Variants in TTLL9 observed in about 807,000 individuals in gnomAD.
The protein encoded by TTLL9 is tubulin tyrosine ligase like 9.
TTLL9 carries 47 observed loss-of-function variants against 65.6 expected under a neutral mutation model. The observed-to-expected ratio is 0.72, with a 90% CI of 0.57 to 0.91. The LOEUF (loss-of-function observed/expected upper bound fraction) is 0.91. Among genes scored for constraint, TTLL9 ranks in the 40% least tolerant of loss-of-function variants. TTLL9 has a pLI of 0.00. For synonymous variants in TTLL9, 179 were observed against 204.8 expected, an observed-to-expected ratio of 0.87 and a Z score of 1.07; for missense variants, 537 against 568.8, an observed-to-expected ratio of 0.94 and a Z score of 0.57.
chr20:31,933,704 C>A, intron 10 of TTLL9, 96 bp from the exon 11 acceptor site: 1 of 1,172,880 alleles, frequency 8.5e-7, no homozygotes, highest in Non-Finnish European at 1.2e-6. Flanking sequence ...TATTTCGTAG[C>A]CTTCCCCATC....
At chr20:31,923,586 T>G (rs955145344) in intron 8 of TTLL9, among the ~76,000 whole-genome samples, 3 of 152,044 alleles carry the variant, frequency 2.0e-5, no homozygotes, top group Admixed American at 6.6e-5. Flanking sequence ...GGGAGAGAAA[T>G]GCAGGGAGGA....
At chr20:31,939,509 T>A (rs6579308) in intron 14 of TTLL9, 2 of 354,606 alleles carry the variant, frequency 5.6e-6, no homozygotes, top group African/African-American at 4.2e-5. Context: ...ATTTGAAAAC[T>A]AGAGAAAGAA....
intron 10 of TTLL9, among the ~76,000 whole-genome samples, chr20:31,929,167 AT>A (rs1568828022): frequency 1.4e-4 from 21 of 152,242 alleles, no homozygotes. Context: ...AGGTGCTGGG[AT>A]TACAGGCGTG....
Position 31,912,605 on chromosome 20 carries a change from G to A in TTLL9, c.504+2683G>A, listed in dbSNP as rs926540945. Among the ~76,000 whole-genome samples, 27 of 22,822 alleles carry A rather than the reference G, an allele frequency of 1.2e-3. No individual in the cohort carries two copies. In the African/African-American group the frequency reaches 0.021, roughly 18 times the overall value. The allele number at this position is 22,822 out of a possible 152,430, so 15.0% of individuals were successfully genotyped here. On this transcript the variant is annotated intron_variant, in intron 6 of 14. Transcript: ENST00000535842. ...TGTGTGTGTGTGCGTGTATGTGTAT[G>A]TGTGTGTGTGTGTGTGTGTGTGTGT...
At chr20:31,915,525 C>T (rs1163089713) in intron 6 of TTLL9, among the ~76,000 whole-genome samples, 1 of 152,146 alleles carries the variant, frequency 6.6e-6, no homozygotes, top group Non-Finnish European at 1.5e-5. Flanking sequence ...CCCAAACCAT[C>T]AAGTAATAGA....
At chr20:31,910,808 G>C (rs1420160018) in intron 6 of TTLL9, among the ~76,000 whole-genome samples, 1 of 152,164 alleles carries the variant, frequency 6.6e-6, no homozygotes. Context: ...TAGAGATAGG[G>C]AAGAGCATCC....
At chr20:31,918,170 A>G (rs1285388364) in intron 6 of TTLL9, among the ~76,000 whole-genome samples, 2 of 151,934 alleles carry the variant, frequency 1.3e-5, no homozygotes, top group Non-Finnish European at 2.9e-5. Flanking sequence ...GAGCTGTCTT[A>G]TCTGTGTTTT....
At chr20:31,910,870 T>C (rs891522857) in intron 6 of TTLL9, among the ~76,000 whole-genome samples, 1 of 152,044 alleles carries the variant, frequency 6.6e-6, no homozygotes, top group Non-Finnish European at 1.5e-5. Context: ...GGCAGCCTAT[T>C]GGGGCTCAAA....
intron 2 of TTLL9, among the ~76,000 whole-genome samples, chr20:31,873,738 A>G (rs992416711): frequency 1.1e-4 from 15 of 133,656 alleles, no homozygotes; most frequent in African/African-American, 3.4e-4. Flanking sequence ...AAGAAAGAAA[A>G]AGGAAGGAAG....
At chr20:31,913,383 G>T (rs2063685705) in intron 6 of TTLL9, among the ~76,000 whole-genome samples, 1 of 152,160 alleles carries the variant, frequency 6.6e-6, no homozygotes, top group South Asian at 2.1e-4. Flanking sequence ...CCTTTCAGGA[G>T]GAGAGAGTGT....
chr20:31,908,464 A>C, intron 4 of TTLL9, 127 bp from the exon 5 acceptor site: 1 of 651,306 alleles, frequency 1.5e-6, no homozygotes. Context: ...GGCCACCTCC[A>C]AGAGACTCTA....
At chr20:31,879,944 G>T (rs992100298) in intron 2 of TTLL9, 71 of 1,388,660 alleles carry the variant, frequency 5.1e-5, no homozygotes, top group Non-Finnish European at 6.4e-5. Context: ...CTAGAAAAAG[G>T]GAGGAAAGCA....
chr20:31,891,809 T>G (rs547446118), intron 3 of TTLL9, among the ~76,000 whole-genome samples: 6 of 152,386 alleles, frequency 3.9e-5, no homozygotes, highest in Admixed American at 3.9e-4. Flanking sequence ...AATTTTATTT[T>G]ATTTTATTTT....
rs537958002 is a variant in TTLL9 at position 31,914,294 on chromosome 20, A to G, written c.504+4372A>G. 7.2e-5 allele frequency among the ~76,000 whole-genome samples: 11 copies of G among 152,338 alleles called. No individual in the cohort carries two copies. In the South Asian group the frequency reaches 2.3e-3, roughly 32 times the overall value. On this transcript the variant is annotated intron_variant, in intron 6 of 14. Transcript: ENST00000535842. ...AGGGCAAGACTTCTGTACTGTTTTTATGCCATGGGCCTCTTTGACATCTGG... is the reference window on the plus strand; with the variant it reads ...AGGGCAAGACTTCTGTACTGTTTTTGTGCCATGGGCCTCTTTGACATCTGG...
rs887129589 is a variant in TTLL9 at position 31,889,821 on chromosome 20, C to T, written c.113+2582C>T. On this transcript the variant is annotated intron_variant, in intron 3 of 14. Transcript: ENST00000535842. ...CTGGCCTCAAGTGATCATCCCACCT[C>T]GGCCTCCCAAAGTGTTGGGATTACA... 3.4e-4 allele frequency among the ~76,000 whole-genome samples: 52 copies of T among 151,754 alleles called. 1 individual carries two copies. Among genetic ancestry groups the T allele is most frequent in the African/African-American group, 1.0e-3 (42 of 41,344 alleles).
intron 2 of TTLL9, among the ~76,000 whole-genome samples, chr20:31,882,347 G>A (rs2063130366): frequency 6.6e-6 from 1 of 152,180 alleles, no homozygotes; most frequent in Admixed American, 6.5e-5. Flanking sequence ...GATAATCAAA[G>A]TCTTGGGTAA....
Position 31,942,897 on chromosome 20 carries a change from T to G in TTLL9, c.1244-48T>G, listed in dbSNP as rs772150077. On this transcript the variant is annotated intron_variant, in intron 14 of 14. Transcript: ENST00000535842. Reference sequence around the variant, plus strand: ...GGAGTTGGGGCACAGGCCCCTCCACTCCTCCCAAGCATAGGTCATCCCAGC... The same window carrying G: ...GGAGTTGGGGCACAGGCCCCTCCACGCCTCCCAAGCATAGGTCATCCCAGC... 2.5e-6 allele frequency: 4 copies of G among 1,601,122 alleles called. No individual in the cohort carries two copies. In the African/African-American group the frequency reaches 5.4e-5, roughly 21 times the overall value.
chr20:31,874,610 G>A (rs774240832), intron 2 of TTLL9, among the ~76,000 whole-genome samples: 2 of 151,914 alleles, frequency 1.3e-5, no homozygotes, highest in Non-Finnish European at 2.9e-5. Context: ...GGGTTTCACC[G>A]TGTTGGCCAG....
intron 3 of TTLL9, among the ~76,000 whole-genome samples, chr20:31,890,079 G>T (rs6121264): frequency 0.36 from 34,905 of 95,780 alleles, 5,770 homozygotes; most frequent in African/African-American, 0.48. Context: ...TTGCTTTCTT[G>T]CTTTCTTGCT....
Sources: gnomAD v4.1 joint callset for allele counts (sites outside exome capture counted in the v4.1 genomes callset) on GRCh38, gnomAD v4.1.1 for gene constraint, MANE v1.5 for transcripts, NCBI Gene and HGNC (gene_info 2026-07-23, HGNC 2026-07-21) for gene names.